RAB21: variants seen among roughly 807,000 people sequenced by gnomAD.
RAB21 encodes the protein RAB21, member RAS oncogene family.
In RAB21, 13 loss-of-function variants were observed where a neutral mutation model predicts 33.1. The observed-to-expected ratio is 0.39, with a 90% CI of 0.26 to 0.62. RAB21 has a LOEUF of 0.62. Among genes scored for constraint, RAB21 ranks in the 20% least tolerant of loss-of-function variants. RAB21 has a pLI of 0.48. For missense variants in RAB21, 234 were observed against 279.1 expected (o/e 0.84, Z 1.15); for synonymous variants, 91 against 103.7 (o/e 0.88, Z 0.74).
rs748485239 is a variant in RAB21 at position 71,755,145 on chromosome 12, G to C, written c.16G>C (p.Gly6Arg). 7.8e-7 allele frequency: 1 copy of C among 1,276,346 alleles called. No homozygotes were observed. The highest frequency in any genetic ancestry group is 4.1e-5 in the Admixed American group (1 of 24,284). The allele number at this position is 1,276,346 out of a possible 1,614,324, so 79.1% of individuals were successfully genotyped here. ...AAGCGACGGGATGGCTGCGGCCGGCGGCGGCGGCGGCGGGGCGGCGGCGGC... is the reference window on the plus strand; with the variant it reads ...AAGCGACGGGATGGCTGCGGCCGGCCGCGGCGGCGGCGGGGCGGCGGCGGC... The part of the protein sequence containing the change: MAAAG[G>R]GGGGAAAAGR... Residue 6 changes from glycine (G) to arginine (R), a missense_variant, in exon 1 of 7, where the codon GGC becomes CGC. Physicochemically the swap from Gly to Arg is moderately radical, Grantham distance 125 (BLOSUM62 -2). Transcript: ENST00000261263.
chr12:71,780,795 A>G (rs1416325450), intron 4 of RAB21, among the ~76,000 whole-genome samples: 3 of 152,154 alleles, frequency 2.0e-5, no homozygotes, highest in Admixed American at 6.6e-5. Flanking sequence ...CTTATCTGAA[A>G]TTTATCTGAA....
rs1409990079 is a variant in RAB21, at chr12:71,754,933, C to A, written c.-197C>A. 7.0e-6 allele frequency: 2 copies of A among 284,192 alleles called. No homozygotes were observed. The highest frequency in any genetic ancestry group is 1.1e-5 in the Non-Finnish European group (2 of 186,574). 17.6% of individuals were successfully genotyped at this position (284,192 alleles called of 1,614,324 possible). On this transcript the variant is annotated 5_prime_UTR_variant, in exon 1 of 7. Coordinates refer to ENST00000261263, the MANE Select transcript of RAB21 (RefSeq NM_014999.4). Reference sequence around the variant, plus strand: ...TCTTCGCTTTTCCTCCGGTGCCTGACGTGGTGGGCTGGGGCCCTTCATTCT... The same window carrying A: ...TCTTCGCTTTTCCTCCGGTGCCTGAAGTGGTGGGCTGGGGCCCTTCATTCT...
chr12:71,798,685 T>A lies in RAB21; in HGVS notation c.*13012T>A, dbSNP rs1220449085. 24 of 152,214 alleles carry A rather than the reference T, an allele frequency of 1.6e-4. No individual in the cohort carries two copies. The allele number at this position is 152,214 out of a possible 1,614,324, so 9.4% of individuals were successfully genotyped here. Reference sequence around the variant, plus strand: ...ATACTGAGATACCAGTTTTTTAACCTATTAATCAAGAAAGACTTTTTAGTT... The same window carrying A: ...ATACTGAGATACCAGTTTTTTAACCAATTAATCAAGAAAGACTTTTTAGTT... On this transcript the variant is annotated 3_prime_UTR_variant, in exon 7 of 7. Coordinates refer to ENST00000261263, the MANE Select transcript of RAB21 (RefSeq NM_014999.4).
In RAB21 at chr12:71,796,707, A is replaced by T. The variant is rs1883467350; in HGVS notation, c.*11034A>T. Reference sequence around the variant, plus strand: ...TAATAAGTGTGTAGTTTTTAAGTGAAATCATACATAATTTCAAGGAAACTG... The same window carrying T: ...TAATAAGTGTGTAGTTTTTAAGTGATATCATACATAATTTCAAGGAAACTG... On this transcript the variant is annotated 3_prime_UTR_variant, in exon 7 of 7. Transcript: ENST00000261263. The T allele has an allele frequency of 1.1e-5, 1 of 94,698 alleles. No individual in the cohort carries two copies. Among genetic ancestry groups the T allele is most frequent in the Non-Finnish European group, 2.0e-5 (1 of 51,010 alleles). 5.9% of individuals were successfully genotyped at this position (94,698 alleles called of 1,614,324 possible).
At chr12:71,778,460 A>G (rs1020742066) in intron 4 of RAB21, among the ~76,000 whole-genome samples, 1 of 152,288 alleles carries the variant, frequency 6.6e-6, no homozygotes, top group East Asian at 1.9e-4. Context: ...ATGTGCTTAG[A>G]GACCTTGAAA....
In RAB21 at chr12:71,773,951, A is replaced by G; in HGVS notation, c.328-8A>G. ...TTTGTTTTAATATGTGCTCTTTTGT[A>G]TATACAGGTAAAAAACTGGGTCAAA... On this transcript the variant is annotated splice_polypyrimidine_tract_variant and splice_region_variant and intron_variant, in intron 3 of 6. Coordinates refer to ENST00000261263, the MANE Select transcript of RAB21 (RefSeq NM_014999.4). 2 of 1,576,272 alleles carry G rather than the reference A, an allele frequency of 1.3e-6. No homozygotes were observed. The highest frequency in any genetic ancestry group is 1.7e-6 in the Non-Finnish European group (2 of 1,156,456).
intron 1 of RAB21, among the ~76,000 whole-genome samples, chr12:71,764,299 C>T (rs1882926446): frequency 6.6e-6 from 1 of 152,066 alleles, no homozygotes; most frequent in Non-Finnish European, 1.5e-5. Flanking sequence ...CTTCTCCCCC[C>T]TCAGTACCAT....
At chr12:71,773,341 G>A (rs1239306072) in intron 3 of RAB21, among the ~76,000 whole-genome samples, 1 of 152,170 alleles carries the variant, frequency 6.6e-6, no homozygotes, top group Non-Finnish European at 1.5e-5. Flanking sequence ...TTGGCATCTA[G>A]TGGGTAGGAA....
At chr12:71,779,765 A>G (rs957086169) in intron 4 of RAB21, among the ~76,000 whole-genome samples, 3 of 152,180 alleles carry the variant, frequency 2.0e-5, no homozygotes, top group African/African-American at 7.2e-5. Context: ...TTATAGTACT[A>G]TACTTTTAAG....
At chr12:71,763,658 T>C (rs1300974854) in intron 1 of RAB21, among the ~76,000 whole-genome samples, 1 of 152,180 alleles carries the variant, frequency 6.6e-6, no homozygotes, top group East Asian at 1.9e-4. Context: ...TAATTGAGAT[T>C]AGAAGATGTA....
rs1883317870 is a variant in RAB21, at chr12:71,787,827, G to A, written c.*2154G>A. 6.6e-6 allele frequency: 1 copy of A among 152,192 alleles called. No individual in the cohort carries two copies. The highest frequency in any genetic ancestry group is 1.5e-5 in the Non-Finnish European group (1 of 68,082). 9.4% of individuals were successfully genotyped at this position (152,192 alleles called of 1,614,324 possible). The stretch of plus-strand genomic sequence containing the variant: ...AGTCTCTTGGTTTCCTGTGAAGTTA[G>A]TATTTATGTGGGGGTGGGGGAAGGT... On this transcript the variant is annotated 3_prime_UTR_variant, in exon 7 of 7. Transcript: ENST00000261263.
In RAB21 at chr12:71,783,123, TTCTTA is replaced by T. The variant is rs767306194; in HGVS notation, c.535+470_535+474del. 3.9e-5 allele frequency among the ~76,000 whole-genome samples: 6 copies of T among 152,086 alleles called. 1 individual carries two copies. The highest frequency in any genetic ancestry group is 1.9e-4 in the East Asian group (1 of 5,174). ...TTGTGGTTATGCTTTATAAAAGGAG[TTCTTA>T]TCTTTTAAAGACACATTAAAATAAT... On this transcript the variant is annotated intron_variant, in intron 6 of 6. Transcript: ENST00000261263.
intron 5 of RAB21, 68 bp from the exon 6 acceptor site, chr12:71,782,502 A>G: frequency 8.9e-7 from 1 of 1,127,810 alleles, no homozygotes; most frequent in South Asian, 1.5e-5. Context: ...CTGTTACTAT[A>G]AAAAAGCAGT....
rs1882756139 is a variant in RAB21, at chr12:71,754,926, T to G, written c.-204T>G. 1 of 254,740 alleles carries G rather than the reference T, an allele frequency of 3.9e-6. No individual in the cohort carries two copies. Among genetic ancestry groups the G allele is most frequent in the African/African-American group, 2.3e-5 (1 of 43,484 alleles). 15.8% of individuals were successfully genotyped at this position (254,740 alleles called of 1,614,324 possible). On this transcript the variant is annotated 5_prime_UTR_variant, in exon 1 of 7. Coordinates refer to ENST00000261263, the MANE Select transcript of RAB21 (RefSeq NM_014999.4). ...GGATCGTTCTTCGCTTTTCCTCCGGTGCCTGACGTGGTGGGCTGGGGCCCT... is the reference window on the plus strand; with the variant it reads ...GGATCGTTCTTCGCTTTTCCTCCGGGGCCTGACGTGGTGGGCTGGGGCCCT...
Position 71,793,574 on chromosome 12 carries a change from T to C in RAB21, c.*7901T>C, listed in dbSNP as rs1883418019. On this transcript the variant is annotated 3_prime_UTR_variant, in exon 7 of 7. Coordinates refer to ENST00000261263, the MANE Select transcript of RAB21 (RefSeq NM_014999.4). Reference sequence around the variant, plus strand: ...TTAGTTGGTTATACACAAGTTACTTTCATTCTTACTAGTTCACAAAAGGTT... The same window carrying C: ...TTAGTTGGTTATACACAAGTTACTTCCATTCTTACTAGTTCACAAAAGGTT... 6.6e-6 allele frequency: 1 copy of C among 152,218 alleles called. No homozygotes were observed. Among genetic ancestry groups the C allele is most frequent in the Non-Finnish European group, 1.5e-5 (1 of 68,034 alleles). 9.4% of individuals were successfully genotyped at this position (152,218 alleles called of 1,614,324 possible). A position where few individuals can be genotyped will look rare whatever the true frequency, so the allele number is the denominator to read the frequency against.
rs944847410 is a variant in RAB21, at chr12:71,797,146, G to A, written c.*11473G>A. 1 of 152,070 alleles carries A rather than the reference G, an allele frequency of 6.6e-6. No homozygotes were observed. Among genetic ancestry groups the A allele is most frequent in the Non-Finnish European group, 1.5e-5 (1 of 67,986 alleles). The allele number at this position is 152,070 out of a possible 1,614,324, so 9.4% of individuals were successfully genotyped here. ...TACTACTATAATTAATGTCCTCAAG[G>A]AACTTAAAAACCTATTGGAAGATTT... is the stretch of plus-strand genomic sequence containing the variant. On this transcript the variant is annotated 3_prime_UTR_variant, in exon 7 of 7. Transcript: ENST00000261263.
chr12:71,755,629 A>T (rs1882774178), intron 1 of RAB21, among the ~76,000 whole-genome samples: 1 of 152,176 alleles, frequency 6.6e-6, no homozygotes, highest in South Asian at 2.1e-4. Context: ...TCCAAATGTT[A>T]GCTCCTTTTC....
chr12:71,755,348 G>A (rs766644938), intron 1 of RAB21, 60 bp downstream of exon 1: 2 of 1,424,860 alleles, frequency 1.4e-6, no homozygotes, highest in Non-Finnish European at 1.8e-6. Flanking sequence ...CGGGGCTGGG[G>A]AAACTTTGCC....
In RAB21 at chr12:71,794,486, G is replaced by A. The variant is rs1217337975; in HGVS notation, c.*8813G>A. The A allele has an allele frequency of 1.8e-4, 22 of 119,386 alleles. No individual in the cohort carries two copies. Among genetic ancestry groups the A allele is most frequent in the African/African-American group, 7.1e-4 (22 of 31,046 alleles). The allele number at this position is 119,386 out of a possible 1,614,324, so 7.4% of individuals were successfully genotyped here. ...CGGAGTCTCGCTCTGTCCCAGGCCA[G>A]AGTGCAGTGGCGCTATCTCGGCTCA... On this transcript the variant is annotated 3_prime_UTR_variant, in exon 7 of 7. Coordinates refer to ENST00000261263, the MANE Select transcript of RAB21 (RefSeq NM_014999.4).
Sources: allele counts gnomAD v4.1 joint callset (sites outside exome capture counted in the v4.1 genomes callset), GRCh38; gene constraint gnomAD v4.1.1; transcripts MANE v1.5; gene names NCBI Gene and HGNC (gene_info 2026-07-23, HGNC 2026-07-21).